Variants in DST observed in about 807,000 individuals in gnomAD.
The protein encoded by DST is bullous pemphigoid antigen.
Under a neutral mutation model 875.2 loss-of-function variants are expected in DST, and 253 were observed. The observed-to-expected ratio is 0.29, with a 90% confidence interval of 0.26 to 0.32. DST has a LOEUF of 0.32. Among genes scored for constraint, DST ranks in the 10% least tolerant of loss-of-function variants. The probability of loss-of-function intolerance (pLI) is 1.00; values close to 1 mark genes in which losing one functional copy is unlikely to be tolerated. For synonymous variants in DST, 3,124 were observed against 3,197.1 expected (o/e 0.98, Z 0.77); for missense variants, 8,287 against 9,111.6 (o/e 0.91, Z 3.68).
At chr6:56,774,296 C>A (rs1027634781) in intron 4 of DST, among the ~76,000 whole-genome samples, 1 of 151,984 alleles carries the variant, frequency 6.6e-6, no homozygotes, top group Non-Finnish European at 1.5e-5. Context: ...TGTTCTGTTA[C>A]GGCAGACAGG....
intron 99 of DST, 130 bp downstream of exon 99, chr6:56,465,948 G>T: frequency 3.5e-6 from 2 of 569,254 alleles, no homozygotes; most frequent in East Asian, 3.1e-5. Context: ...GGAACTTTAG[G>T]CTGACAGACC....
In DST at chr6:56,705,506, A is replaced by G. The variant is rs973200777; in HGVS notation, c.688-1137T>C. Among the ~76,000 whole-genome samples, 109 of 152,238 alleles carry G rather than the reference A, an allele frequency of 7.2e-4. 1 individual carries two copies. The highest frequency in any genetic ancestry group is 5.9e-5 in the Non-Finnish European group (4 of 68,040). ...TTTTATGGTAAGTCTCTCAGTCCCC[A>G]AAAATAGTTTAAATCCCATAAAACT... On this transcript the variant is annotated intron_variant, in intron 5 of 103. Coordinates refer to ENST00000680361, the MANE Select transcript of DST (RefSeq NM_001374736.1).
At chr6:56,790,337 G>A (rs2099717197) in intron 4 of DST, among the ~76,000 whole-genome samples, 2 of 152,188 alleles carry the variant, frequency 1.3e-5, no homozygotes. Context: ...TTTGCCCAGT[G>A]TCACAGAGTT....
chr6:56,777,010 G>A (rs1034498892), intron 4 of DST, among the ~76,000 whole-genome samples: 1 of 152,072 alleles, frequency 6.6e-6, no homozygotes, highest in Non-Finnish European at 1.5e-5. Flanking sequence ...AATACTGTTT[G>A]GTCATCCTAA....
intron 55 of DST, among the ~76,000 whole-genome samples, chr6:56,562,731 C>T (rs1408098752): frequency 6.6e-6 from 1 of 151,630 alleles, no homozygotes; most frequent in African/African-American, 2.4e-5. Context: ...ATGCTATCCA[C>T]CCCCCAGGCC....
At chr6:56,758,026 G>T (rs116419253) in intron 4 of DST, among the ~76,000 whole-genome samples, 1,582 of 152,238 alleles carry the variant, frequency 0.01, 29 homozygotes, top group African/African-American at 0.036. Context: ...AAATTTCCCA[G>T]GAAAGAAACA....
In DST at chr6:56,793,068, CAAAAAAAAAAA is replaced by C. The variant is rs61457774; in HGVS notation, c.626-57790_626-57780del. Among the ~76,000 whole-genome samples the C allele has an allele frequency of 9.7e-4, 41 of 42,346 alleles. No homozygotes were observed. The South Asian group carries it at 0.013, about 14-fold the overall frequency. 27.8% of individuals were successfully genotyped at this position (42,346 alleles called of 152,430 possible). On this transcript the variant is annotated intron_variant, in intron 4 of 103. Coordinates refer to ENST00000680361, the MANE Select transcript of DST (RefSeq NM_001374736.1). ...TGGACAACAGAGTGAGACCCTGTCT[CAAAAAAAAAAA>C]AAAAAAAAAAAAAAAAAAAAGCAAA...
Position 56,940,237 on chromosome 6 carries a change from T to C in DST, c.216+13548A>G, listed in dbSNP as rs998851066. ...ACACACACACACACACACACACACA[T>C]ATATACATATATACACACACACATT... On this transcript the variant is annotated intron_variant, in intron 2 of 103. Coordinates refer to ENST00000680361, the MANE Select transcript of DST (RefSeq NM_001374736.1). 9.8e-5 allele frequency among the ~76,000 whole-genome samples: 14 copies of C among 142,666 alleles called. No individual in the cohort carries two copies. In the South Asian group the frequency reaches 1.1e-3, roughly 12 times the overall value. 93.6% of individuals were successfully genotyped at this position (142,666 alleles called of 152,430 possible).
At position 56,557,891 on chromosome 6, in the gene DST, G is replaced by A. The variant is rs533169079; in HGVS notation, c.14441-373C>T. ...TTTAATATCAAATCTTCACTTATCCGTTCTAGGCAAATTGCTCCCAAATTT... is the reference window on the plus strand; with the variant it reads ...TTTAATATCAAATCTTCACTTATCCATTCTAGGCAAATTGCTCCCAAATTT... On this transcript the variant is annotated intron_variant, in intron 58 of 103. Coordinates refer to ENST00000680361, the MANE Select transcript of DST (RefSeq NM_001374736.1). 1.6e-4 allele frequency among the ~76,000 whole-genome samples: 25 copies of A among 152,096 alleles called. 1 individual carries two copies. In the South Asian group the frequency reaches 3.7e-3, roughly 23 times the overall value.
intron 4 of DST, among the ~76,000 whole-genome samples, chr6:56,834,140 A>G (rs1201452067): frequency 6.6e-6 from 1 of 152,154 alleles, no homozygotes; most frequent in African/African-American, 2.4e-5. Context: ...AGGCAGGAGG[A>G]GCTGCTGAGA....
chr6:56,524,016 G>C (rs948960899), intron 69 of DST, among the ~76,000 whole-genome samples: 1 of 152,010 alleles, frequency 6.6e-6, no homozygotes, highest in East Asian at 1.9e-4. Context: ...CTAATGTCCA[G>C]GTCTAAAGAT....
intron 33 of DST, among the ~76,000 whole-genome samples, 157 bp downstream of exon 33, chr6:56,627,842 T>C (rs1323906235): frequency 6.6e-6 from 1 of 152,172 alleles, no homozygotes; most frequent in Non-Finnish European, 1.5e-5. Context: ...AAGTCATGTA[T>C]GTAGGTTTGG....
chr6:56,607,974 C>T lies in DST; in HGVS notation c.6654G>A (p.Arg2218=). 1.2e-6 allele frequency: 2 copies of T among 1,613,526 alleles called. No homozygotes were observed. The highest frequency in any genetic ancestry group is 1.7e-6 in the Non-Finnish European group (2 of 1,179,696). The part of the protein sequence containing the change: ...NSYMDANTGQ[R]LLLYDGDLDE... Reference sequence around the variant, plus strand: ...CCAAGTCTCCATCGTACAGCAAAAGCCTTTGCCCTGTGTTTGCATCCATAT... The same window carrying T: ...CCAAGTCTCCATCGTACAGCAAAAGTCTTTGCCCTGTGTTTGCATCCATAT... The change falls in exon 40 of 104, where the codon AGG becomes AGA. Residue 2218 remains arginine, a synonymous_variant. Transcript: ENST00000680361.
intron 2 of DST, among the ~76,000 whole-genome samples, chr6:56,945,545 T>C (rs1818974165): frequency 6.6e-6 from 1 of 151,996 alleles, no homozygotes; most frequent in South Asian, 2.1e-4. Flanking sequence ...GGGACATCTA[T>C]GGGAAAATGA....
chr6:56,635,884 G>A (rs2152767891), intron 23 of DST, among the ~76,000 whole-genome samples, 170 bp from the exon 24 acceptor site: 1 of 152,272 alleles, frequency 6.6e-6, no homozygotes, highest in African/African-American at 2.4e-5. Context: ...AATAACCCTT[G>A]AAGTTGAATA....
Position 56,477,294 on chromosome 6 carries a change from C to G in DST, c.21675+51G>C. ...TTAATTCCTGAAATTTCCCACACCC[C>G]TCAACTCTCAAAGCTATTGCTACTC... is the stretch of plus-strand genomic sequence containing the variant. On this transcript the variant is annotated intron_variant, in intron 91 of 103. Coordinates refer to ENST00000680361, the MANE Select transcript of DST (RefSeq NM_001374736.1). 5 of 1,574,738 alleles carry G rather than the reference C, an allele frequency of 3.2e-6. No homozygotes were observed. The South Asian group carries it at 6.0e-5, about 19-fold the overall frequency.
intron 10 of DST, among the ~76,000 whole-genome samples, chr6:56,657,676 C>T (rs1201711406): frequency 6.6e-6 from 1 of 152,150 alleles, no homozygotes; most frequent in Non-Finnish European, 1.5e-5. Context: ...GGTTGTACAA[C>T]AAAGTAAATG....
At chr6:56,877,862 T>C (rs1275013588) in intron 3 of DST, among the ~76,000 whole-genome samples, 3 of 152,204 alleles carry the variant, frequency 2.0e-5, no homozygotes, top group East Asian at 1.9e-4. Flanking sequence ...TGGAAGTATT[T>C]AGAGACTTTT....
At chr6:56,926,816 T>C (rs1807377846) in intron 2 of DST, among the ~76,000 whole-genome samples, 1 of 152,216 alleles carries the variant, frequency 6.6e-6, no homozygotes, top group African/African-American at 2.4e-5. Context: ...GGTACGCTTA[T>C]GCTTCACCTC....
Sources: gnomAD v4.1 joint callset for allele counts (sites outside exome capture counted in the v4.1 genomes callset) on GRCh38, gnomAD v4.1.1 for gene constraint, MANE v1.5 for transcripts, NCBI Gene and HGNC (gene_info 2026-07-23, HGNC 2026-07-21) for gene names.